The following PLD5 variants were observed in gnomAD, a reference collection of about 807,000 sequenced individuals.
PLD5 encodes inactive phospholipase D5.
A neutral mutation model predicts 61.1 loss-of-function variants in PLD5; 36 were observed. That is an observed-to-expected ratio of 0.59 (90% CI 0.45 to 0.78). PLD5 has a LOEUF of 0.78. Ranked by LOEUF, PLD5 falls within the 30% of genes least tolerant of loss-of-function variation. The pLI, the probability that PLD5 is intolerant of heterozygous loss-of-function variation, is 0.00. For missense variants in PLD5, 515 were observed against 644.4 expected (o/e 0.80, Z 2.17); for synonymous variants, 243 against 242.8 (o/e 1.00, Z -0.01).
intron 1 of PLD5, among the ~76,000 whole-genome samples, chr1:242,397,422 T>A (rs750534544): frequency 6.6e-6 from 1 of 152,066 alleles, no homozygotes; most frequent in Non-Finnish European, 1.5e-5. Flanking sequence ...TTAACCATTT[T>A]TTATTATCTC....
chr1:242,486,192 A>G (rs971391232), intron 1 of PLD5, among the ~76,000 whole-genome samples: 4 of 152,196 alleles, frequency 2.6e-5, no homozygotes, highest in African/African-American at 4.8e-5. Context: ...AAGCAATGGC[A>G]ACAAAAGACA....
intron 1 of PLD5, among the ~76,000 whole-genome samples, chr1:242,457,838 G>T (rs1666990778): frequency 6.6e-6 from 1 of 152,054 alleles, no homozygotes; most frequent in African/African-American, 2.4e-5. Context: ...TACATATTGG[G>T]CCTATATTCC....
chr1:242,521,011 T>C (rs974121151), intron 1 of PLD5, among the ~76,000 whole-genome samples: 1 of 152,250 alleles, frequency 6.6e-6, no homozygotes, highest in African/African-American at 2.4e-5. Flanking sequence ...CAAAAGATTT[T>C]AACAACCAAG....
chr1:242,517,845 G>T (rs768115482), intron 1 of PLD5, among the ~76,000 whole-genome samples: 10 of 152,106 alleles, frequency 6.6e-5, no homozygotes, highest in Non-Finnish European at 1.5e-4. Flanking sequence ...TCTTTCACAT[G>T]AAAGACACTC....
intron 5 of PLD5, among the ~76,000 whole-genome samples, chr1:242,165,536 G>A (rs1666248435): frequency 1.3e-5 from 2 of 151,806 alleles, no homozygotes; most frequent in East Asian, 3.9e-4. Flanking sequence ...CTTCACAATG[G>A]TAAACACTTG....
intron 4 of PLD5, among the ~76,000 whole-genome samples, chr1:242,254,394 G>A (rs1672897241): frequency 6.6e-6 from 1 of 151,888 alleles, no homozygotes; most frequent in East Asian, 1.9e-4. Context: ...GAAAGGCTGG[G>A]CGTGGTGGCT....
At chr1:242,269,152 A>AT (rs1032556247) in intron 3 of PLD5, among the ~76,000 whole-genome samples, 11 of 152,148 alleles carry the variant, frequency 7.2e-5, no homozygotes, top group Non-Finnish European at 1.2e-4. Context: ...CTCACTCATC[A>AT]TTTTTTTAAT....
At chr1:242,171,044 C>T (rs566060857) in intron 5 of PLD5, among the ~76,000 whole-genome samples, 2 of 152,218 alleles carry the variant, frequency 1.3e-5, no homozygotes, top group South Asian at 4.1e-4. Context: ...GAGAACACCA[C>T]AAAGATACTC....
At chr1:242,198,339 G>T (rs1313583145) in intron 5 of PLD5, among the ~76,000 whole-genome samples, 1 of 152,138 alleles carries the variant, frequency 6.6e-6, no homozygotes, top group Admixed American at 6.6e-5. Flanking sequence ...GTGTTAAATG[G>T]CACGAAATGC....
intron 1 of PLD5, among the ~76,000 whole-genome samples, chr1:242,469,346 A>G (rs1242089465): frequency 1.3e-5 from 2 of 152,236 alleles, no homozygotes; most frequent in Non-Finnish European, 2.9e-5. Flanking sequence ...GATAGACATA[A>G]AACAGAATCG....
intron 2 of PLD5, among the ~76,000 whole-genome samples, chr1:242,313,103 T>A (rs1488516577): frequency 6.6e-6 from 1 of 152,248 alleles, no homozygotes; most frequent in Non-Finnish European, 1.5e-5. Context: ...AGACTTTGCA[T>A]GTAGGAAAAT....
chr1:242,222,376 G>A (rs1179933601), intron 4 of PLD5, among the ~76,000 whole-genome samples: 3 of 152,162 alleles, frequency 2.0e-5, no homozygotes, highest in Non-Finnish European at 4.4e-5. Context: ...TCAGCACTGA[G>A]GGAAGCACCT....
chr1:242,201,833 T>C (rs1315574942), intron 5 of PLD5, among the ~76,000 whole-genome samples: 3 of 152,188 alleles, frequency 2.0e-5, no homozygotes, highest in Non-Finnish European at 4.4e-5. Flanking sequence ...TTCTCCACCA[T>C]TTTGAAGACA....
At chr1:242,252,160 T>G (rs1033731708) in intron 4 of PLD5, among the ~76,000 whole-genome samples, 10 of 152,060 alleles carry the variant, frequency 6.6e-5, no homozygotes, top group African/African-American at 2.4e-4. Flanking sequence ...AAAAAATAGA[T>G]AAAATATAGT....
At chr1:242,406,904 G>C (rs887853651) in intron 1 of PLD5, among the ~76,000 whole-genome samples, 8 of 152,124 alleles carry the variant, frequency 5.3e-5, no homozygotes, top group Non-Finnish European at 1.2e-4. Context: ...TTTAACAGAG[G>C]TATGAATTGT....
chr1:242,291,326 T>C (rs1675348773), intron 2 of PLD5, among the ~76,000 whole-genome samples: 1 of 152,112 alleles, frequency 6.6e-6, no homozygotes, highest in African/African-American at 2.4e-5. Context: ...TGAAATTACT[T>C]GATTAAGGCC....
chr1:242,419,572 ATT>A lies in PLD5; in HGVS notation c.190-71332_190-71331del, dbSNP rs767869905. Among the ~76,000 whole-genome samples the A allele has an allele frequency of 3.7e-4, 36 of 97,088 alleles. 2 individuals are homozygous for A. In the Middle Eastern group the frequency reaches 0.027, roughly 72 times the overall value. 63.7% of individuals were successfully genotyped at this position (97,088 alleles called of 152,430 possible). A position where few individuals can be genotyped will look rare whatever the true frequency, so the allele number is the denominator to read the frequency against. ...CACTACACCCGGCTAAATTTTTTGC[ATT>A]TTTTTTTTTTTTTTTTTTTTAGTAG... On this transcript the variant is annotated intron_variant, in intron 1 of 9. Coordinates refer to ENST00000536534, the MANE Select transcript of PLD5 (RefSeq NM_001372062.1).
intron 7 of PLD5, 74 bp downstream of exon 7, chr1:242,113,816 C>A: frequency 6.7e-7 from 1 of 1,498,008 alleles, no homozygotes. Flanking sequence ...TCCAGGCTGG[C>A]TTCTCCTGTG....
intron 3 of PLD5, among the ~76,000 whole-genome samples, chr1:242,268,427 T>C (rs1425056579): frequency 6.6e-6 from 1 of 152,244 alleles, no homozygotes; most frequent in Non-Finnish European, 1.5e-5. Context: ...AACTTATCTG[T>C]ATTTCTGGCT....
Sources: gnomAD v4.1 joint callset for allele counts (sites outside exome capture counted in the v4.1 genomes callset) on GRCh38, gnomAD v4.1.1 for gene constraint, MANE v1.5 for transcripts, NCBI Gene and HGNC (gene_info 2026-07-23, HGNC 2026-07-21) for gene names.